SGCD: variants seen among roughly 807,000 people sequenced by gnomAD.
SGCD encodes the protein delta-sarcoglycan.
A neutral mutation model predicts 36.6 loss-of-function variants in SGCD; 18 were observed. That is an observed-to-expected ratio of 0.49 (90% confidence interval 0.34 to 0.73). The LOEUF is 0.73. SGCD is among the 30% of genes least tolerant of loss of function. The pLI, the probability that SGCD is intolerant of heterozygous loss-of-function variation, is 0.01. For missense variants in SGCD, 387 were observed against 346.7 expected, an observed-to-expected ratio of 1.12 and a Z score of -0.92; for synonymous variants, 133 against 130.6, an observed-to-expected ratio of 1.02 and a Z score of -0.12.
intron 3 of SGCD, among the ~76,000 whole-genome samples, chr5:156,321,326 C>T (rs1767658899): frequency 6.6e-6 from 1 of 151,942 alleles, no homozygotes; most frequent in Non-Finnish European, 1.5e-5. Flanking sequence ...AGGCTGAGGC[C>T]AGAGAATGGT....
intron 1 of SGCD, among the ~76,000 whole-genome samples, chr5:156,080,713 T>C (rs1040628049): frequency 2.0e-5 from 3 of 152,238 alleles, no homozygotes; most frequent in African/African-American, 7.2e-5. Flanking sequence ...ATGGGTGACC[T>C]TTGTTGTAAT....
chr5:156,010,538 T>C (rs769874605), intron 1 of SGCD, among the ~76,000 whole-genome samples: 41 of 152,230 alleles, frequency 2.7e-4, no homozygotes, highest in Admixed American at 2.4e-3. Context: ...TAATGAATTA[T>C]GGTTTCTAGG....
At chr5:156,038,465 A>G (rs1395481445) in intron 1 of SGCD, among the ~76,000 whole-genome samples, 1 of 152,188 alleles carries the variant, frequency 6.6e-6, no homozygotes, top group African/African-American at 2.4e-5. Flanking sequence ...CTCATCTTTC[A>G]TGAATGCACC....
intron 4 of SGCD, among the ~76,000 whole-genome samples, chr5:156,576,788 G>GT (rs1453447880): frequency 6.7e-6 from 1 of 150,030 alleles, no homozygotes; most frequent in Non-Finnish European, 1.5e-5. Context: ...TCTTGTAAAT[G>GT]TAAGTTCTTT....
At chr5:156,070,489 T>A (rs1312100586) in intron 1 of SGCD, among the ~76,000 whole-genome samples, 1 of 149,552 alleles carries the variant, frequency 6.7e-6, no homozygotes, top group Non-Finnish European at 1.5e-5. Context: ...GCCCACTTGA[T>A]CATGACTGAT....
chr5:156,033,530 G>T (rs898751474), intron 1 of SGCD, among the ~76,000 whole-genome samples: 3 of 152,120 alleles, frequency 2.0e-5, no homozygotes, highest in African/African-American at 7.2e-5. Context: ...GAGGGTAAGT[G>T]AAATAAGAAT....
chr5:156,500,625 C>G (rs1320659883), intron 3 of SGCD, among the ~76,000 whole-genome samples: 1 of 152,170 alleles, frequency 6.6e-6, no homozygotes, highest in Non-Finnish European at 1.5e-5. Flanking sequence ...AACTGTTTTA[C>G]ACACCTATCA....
intron 3 of SGCD, among the ~76,000 whole-genome samples, chr5:156,485,073 T>C (rs1445788513): frequency 6.6e-6 from 1 of 152,146 alleles, no homozygotes; most frequent in African/African-American, 2.4e-5. Context: ...CTGCAATGCA[T>C]GTGTCTGACA....
chr5:156,239,423 T>TAAAA (rs1765250919), intron 3 of SGCD, among the ~76,000 whole-genome samples: 3 of 119,082 alleles, frequency 2.5e-5, no homozygotes, highest in Non-Finnish European at 3.7e-5. Flanking sequence ...AAAAAAAAAT[T>TAAAA]AGATTTGGTC....
intron 6 of SGCD, among the ~76,000 whole-genome samples, chr5:156,631,460 C>CTT (rs139512555): frequency 0.022 from 2,990 of 136,208 alleles, 47 homozygotes; most frequent in Non-Finnish European, 0.03. Context: ...TTGACACTTG[C>CTT]TTTTTTTTTT....
rs74956116 is a variant in SGCD at position 156,015,421 on chromosome 5, C to T, written c.-281-102457C>T. 5.5e-4 allele frequency among the ~76,000 whole-genome samples: 83 copies of T among 152,076 alleles called. 2 individuals are homozygous for T. In the East Asian group the frequency reaches 0.015, roughly 27 times the overall value. ...GCATTTATTCCCTTGCTTTCTGGCA[C>T]GAGATGTTCCAGCTCCAGAAGCATA... On this transcript the variant is annotated intron_variant, in intron 1 of 9. Transcript: ENST00000517913.
chr5:156,442,573 TTC>T (rs1753544545), intron 3 of SGCD, among the ~76,000 whole-genome samples: 1 of 152,250 alleles, frequency 6.6e-6, no homozygotes, highest in Non-Finnish European at 1.5e-5. Context: ...GCCTGCTCAT[TTC>T]TCTTTCCATT....
the SGCD span, among the ~76,000 whole-genome samples, chr5:155,765,671 A>G: frequency 6.6e-6 from 1 of 152,164 alleles, no homozygotes; most frequent in Admixed American, 6.5e-5. Flanking sequence ...TGAGTAACCA[A>G]AAATCAATTG....
chr5:155,773,114 A>C, the SGCD span, among the ~76,000 whole-genome samples: 2 of 152,094 alleles, frequency 1.3e-5, no homozygotes, highest in Non-Finnish European at 2.9e-5. Context: ...CACCCAGTAG[A>C]TAAGGCACCG....
At chr5:155,840,711 T>C in the SGCD span, among the ~76,000 whole-genome samples, 3 of 151,364 alleles carry the variant, frequency 2.0e-5, no homozygotes, top group African/African-American at 4.9e-5. Flanking sequence ...TGAAGAATGG[T>C]ATTAAAAATC....
the SGCD span, among the ~76,000 whole-genome samples, chr5:155,729,083 T>C: frequency 6.6e-6 from 1 of 152,238 alleles, no homozygotes; most frequent in Non-Finnish European, 1.5e-5. Context: ...CTCCTTGCGC[T>C]TAATCTGGCA....
chr5:156,490,473 C>T (rs1431179374), intron 3 of SGCD, among the ~76,000 whole-genome samples: 1 of 118,282 alleles, frequency 8.5e-6, no homozygotes, highest in African/African-American at 3.5e-5. Context: ...ACTAGTAAAC[C>T]GAATGTAACA....
At chr5:155,969,623 G>A (rs1029356299) in intron 1 of SGCD, among the ~76,000 whole-genome samples, 4 of 152,044 alleles carry the variant, frequency 2.6e-5, no homozygotes, top group Admixed American at 6.6e-5. Flanking sequence ...CTATGTCTGC[G>A]CCCTGTGTGT....
the SGCD span, among the ~76,000 whole-genome samples, chr5:155,732,023 A>G: frequency 6.6e-6 from 1 of 152,242 alleles, no homozygotes; most frequent in Non-Finnish European, 1.5e-5. Context: ...GAGAAGCCCA[A>G]GGAAGTTGCT....
Sources: allele counts gnomAD v4.1 joint callset (sites outside exome capture counted in the v4.1 genomes callset), GRCh38; gene constraint gnomAD v4.1.1; transcripts MANE v1.5; gene names NCBI Gene and HGNC (gene_info 2026-07-23, HGNC 2026-07-21).